PATJ: variants seen among roughly 807,000 people sequenced by gnomAD.
The protein encoded by PATJ is PATJ crumbs cell polarity complex component, also known as inaD-like protein.
In PATJ, 190 loss-of-function variants were observed where a neutral mutation model predicts 224.9. That is an observed-to-expected ratio of 0.84 (90% CI 0.75 to 0.95). The LOEUF (loss-of-function observed/expected upper bound fraction) is 0.95. Among genes scored for constraint, PATJ ranks in the 40% least tolerant of loss-of-function variants. PATJ has a pLI of 0.00. For synonymous variants in PATJ, 769 were observed against 820.3 expected (o/e 0.94, Z 1.07); for missense variants, 2,121 against 2,270.3 (o/e 0.93, Z 1.34).
chr1:61,743,052 C>G (rs1048786389), intron 1 of PATJ, among the ~76,000 whole-genome samples: 2 of 151,986 alleles, frequency 1.3e-5, no homozygotes, highest in Non-Finnish European at 2.9e-5. Context: ...AAGGAGGGAA[C>G]GGGGTGAGGG....
chr1:61,962,915 G>A (rs576063833), intron 27 of PATJ, among the ~76,000 whole-genome samples: 34 of 152,312 alleles, frequency 2.2e-4, no homozygotes, highest in African/African-American at 7.9e-4. Context: ...AAGGAGAAAA[G>A]AGAAAGGGCA....
intron 1 of PATJ, among the ~76,000 whole-genome samples, chr1:61,753,313 C>T (rs1329948494): frequency 1.3e-5 from 2 of 152,066 alleles, no homozygotes; most frequent in Non-Finnish European, 2.9e-5. Flanking sequence ...TTGTGACCTT[C>T]CCAATTCACA....
intron 31 of PATJ, among the ~76,000 whole-genome samples, chr1:62,078,018 A>G (rs1658619067): frequency 6.6e-6 from 1 of 152,246 alleles, no homozygotes; most frequent in South Asian, 2.1e-4. Context: ...TTTTGTTGTT[A>G]CTGCACACTG....
At chr1:61,979,465 C>T (rs555302973) in intron 27 of PATJ, among the ~76,000 whole-genome samples, 30 of 151,986 alleles carry the variant, frequency 2.0e-4, no homozygotes, top group East Asian at 1.7e-3. Context: ...CCATCCCGGC[C>T]AACATGGTAA....
intron 1 of PATJ, among the ~76,000 whole-genome samples, chr1:61,759,253 T>C (rs950871167): frequency 1.3e-5 from 2 of 152,168 alleles, no homozygotes; most frequent in African/African-American, 2.4e-5. Context: ...GTGTATTTTA[T>C]GTGTGGCCCA....
At chr1:61,938,478 A>G (rs1677236965) in intron 27 of PATJ, among the ~76,000 whole-genome samples, 2 of 152,208 alleles carry the variant, frequency 1.3e-5, no homozygotes, top group Admixed American at 6.5e-5. Context: ...AAACCTCAGC[A>G]TCATGTAATA....
intron 31 of PATJ, among the ~76,000 whole-genome samples, chr1:62,065,128 G>T (rs1323738862): frequency 1.3e-5 from 2 of 152,158 alleles, no homozygotes; most frequent in Non-Finnish European, 2.9e-5. Flanking sequence ...TGATAAAAAA[G>T]GCTGTAGGTT....
chr1:61,756,830 C>T (rs1645673834), intron 1 of PATJ, among the ~76,000 whole-genome samples: 1 of 151,702 alleles, frequency 6.6e-6, no homozygotes, highest in Non-Finnish European at 1.5e-5. Flanking sequence ...CACCTGCCTC[C>T]CAAAATGCTG....
intron 27 of PATJ, among the ~76,000 whole-genome samples, chr1:61,928,169 T>C (rs1675506723): frequency 6.6e-6 from 1 of 152,220 alleles, no homozygotes; most frequent in African/African-American, 2.4e-5. Context: ...ATTTCAGTTG[T>C]TGATTACTTG....
At chr1:62,017,289 CT>C (rs1646821695) in intron 28 of PATJ, among the ~76,000 whole-genome samples, 2 of 151,918 alleles carry the variant, frequency 1.3e-5, no homozygotes, top group South Asian at 4.2e-4. Context: ...TGGTGCACAC[CT>C]GTCGTCCCAG....
intron 29 of PATJ, among the ~76,000 whole-genome samples, chr1:62,021,694 A>T (rs1016854975): frequency 6.6e-6 from 1 of 152,090 alleles, no homozygotes; most frequent in Non-Finnish European, 1.5e-5. Flanking sequence ...ACCTTCTTTT[A>T]TAGGGAGAAA....
intron 33 of PATJ, among the ~76,000 whole-genome samples, chr1:62,100,869 G>A (rs1273924442): frequency 6.6e-6 from 1 of 152,150 alleles, no homozygotes; most frequent in Non-Finnish European, 1.5e-5. Flanking sequence ...AAGTTCAGTG[G>A]TACTAATGAA....
intron 22 of PATJ, among the ~76,000 whole-genome samples, chr1:61,896,415 C>T (rs902613023): frequency 3.9e-5 from 6 of 152,106 alleles, no homozygotes; most frequent in South Asian, 2.1e-4. Context: ...AACATTTACC[C>T]AATGCCTGTA....
At chr1:61,825,387 C>A (rs757981275) in intron 15 of PATJ, among the ~76,000 whole-genome samples, 2 of 152,068 alleles carry the variant, frequency 1.3e-5, no homozygotes, top group African/African-American at 4.8e-5. Context: ...AGTTGAAGGA[C>A]CTTGAGAAGT....
At chr1:62,087,527 A>G (rs1660164970) in intron 33 of PATJ, among the ~76,000 whole-genome samples, 1 of 152,036 alleles carries the variant, frequency 6.6e-6, no homozygotes, top group African/African-American at 2.4e-5. Flanking sequence ...TTCTCGGCTC[A>G]AAGGTGGGGT....
At chr1:62,033,844 T>C (rs997636699) in intron 29 of PATJ, among the ~76,000 whole-genome samples, 1 of 152,154 alleles carries the variant, frequency 6.6e-6, no homozygotes, top group African/African-American at 2.4e-5. Flanking sequence ...GTACACCTAC[T>C]CCCTGCCAGG....
intron 19 of PATJ, among the ~76,000 whole-genome samples, chr1:61,862,742 A>C (rs1357844723): frequency 2.6e-5 from 4 of 152,132 alleles, no homozygotes; most frequent in African/African-American, 7.2e-5. Context: ...CTTATGCTTT[A>C]ATTTTAGAAA....
chr1:61,783,152 G>A (rs911467519), intron 7 of PATJ, among the ~76,000 whole-genome samples: 11 of 152,142 alleles, frequency 7.2e-5, no homozygotes, highest in African/African-American at 2.4e-4. Context: ...AAGCAATTTT[G>A]CTTTGAGTGA....
chr1:62,115,481 A>G (rs1205278074), intron 35 of PATJ, among the ~76,000 whole-genome samples: 3 of 151,816 alleles, frequency 2.0e-5, no homozygotes, highest in Non-Finnish European at 4.4e-5. Context: ...AATTTTTTAA[A>G]TAAAGAAAAA....
Sources: allele counts gnomAD v4.1 joint callset (sites outside exome capture counted in the v4.1 genomes callset), GRCh38; gene constraint gnomAD v4.1.1; transcripts MANE v1.5; gene names NCBI Gene and HGNC (gene_info 2026-07-23, HGNC 2026-07-21).